The following CHRM3 variants were observed in gnomAD, a reference collection of about 807,000 sequenced individuals.
The protein encoded by CHRM3 is cholinergic receptor muscarinic 3.
Under a neutral mutation model 41.8 loss-of-function variants are expected in CHRM3, and 11 were observed. That is an observed-to-expected ratio of 0.26 (90% CI 0.17 to 0.44). The LOEUF (loss-of-function observed/expected upper bound fraction) is 0.44, where lower values mean the gene tolerates loss of function less well. Ranked by LOEUF, CHRM3 falls within the 20% of genes least tolerant of loss-of-function variation. The pLI is 1.00. For missense variants in CHRM3, 571 were observed against 745.4 expected (o/e 0.77, Z 2.72); for synonymous variants, 297 against 301.4 (o/e 0.99, Z 0.15).
chr1:239,570,778 G>A (rs1661758408), intron 3 of CHRM3, among the ~76,000 whole-genome samples: 1 of 152,058 alleles, frequency 6.6e-6, no homozygotes. Flanking sequence ...AAAGAAGTAA[G>A]TGACTGAGAG....
chr1:239,510,827 C>T (rs767582619), intron 2 of CHRM3, among the ~76,000 whole-genome samples: 21 of 152,212 alleles, frequency 1.4e-4, no homozygotes, highest in African/African-American at 4.8e-4. Context: ...TCAACCACCG[C>T]GGCCGGCCCA....
At chr1:239,842,505 G>A (rs1961301) in intron 6 of CHRM3, among the ~76,000 whole-genome samples, 46,148 of 152,074 alleles carry the variant, frequency 0.3, 7,939 homozygotes, top group East Asian at 0.48. Context: ...AAAGTGTTGG[G>A]ATTACAGGAG....
intron 1 of CHRM3, among the ~76,000 whole-genome samples, chr1:239,398,187 G>C (rs1166216188): frequency 1.3e-5 from 2 of 152,092 alleles, no homozygotes; most frequent in African/African-American, 4.8e-5. Flanking sequence ...TTACAACTTT[G>C]AATCAATAGG....
chr1:239,404,422 GAAAGAA>G (rs1660362213), intron 1 of CHRM3, among the ~76,000 whole-genome samples: 2 of 90,850 alleles, frequency 2.2e-5, no homozygotes, highest in East Asian at 7.8e-4. Context: ...AAGAAAGAAA[GAAAGAA>G]AGAAAGAAAG....
At chr1:239,634,236 G>C (rs1170901108) in intron 4 of CHRM3, among the ~76,000 whole-genome samples, 1 of 152,004 alleles carries the variant, frequency 6.6e-6, no homozygotes, top group Non-Finnish European at 1.5e-5. Flanking sequence ...GTAACCCTTT[G>C]AATACAATAC....
chr1:239,843,888 T>C (rs1018582200), intron 6 of CHRM3, among the ~76,000 whole-genome samples: 1 of 152,004 alleles, frequency 6.6e-6, no homozygotes, highest in Non-Finnish European at 1.5e-5. Flanking sequence ...TATATATATA[T>C]ACACATAGAG....
intron 1 of CHRM3, among the ~76,000 whole-genome samples, chr1:239,463,700 T>C (rs1295703544): frequency 6.6e-6 from 1 of 152,210 alleles, no homozygotes; most frequent in African/African-American, 2.4e-5. Flanking sequence ...CTTTTTCTTC[T>C]AATACATTTT....
At chr1:239,527,300 T>C (rs1357502153) in intron 2 of CHRM3, among the ~76,000 whole-genome samples, 1 of 152,184 alleles carries the variant, frequency 6.6e-6, no homozygotes, top group African/African-American at 2.4e-5. Flanking sequence ...CTGGAGGATT[T>C]AAACCTAGCA....
intron 6 of CHRM3, among the ~76,000 whole-genome samples, chr1:239,888,061 T>C (rs1203237228): frequency 6.6e-6 from 1 of 152,190 alleles, no homozygotes; most frequent in African/African-American, 2.4e-5. Context: ...TGTTTATCTC[T>C]GGAGATAAAT....
intron 2 of CHRM3, among the ~76,000 whole-genome samples, chr1:239,497,819 C>T (rs1469690614): frequency 3.3e-5 from 5 of 152,116 alleles, no homozygotes; most frequent in Admixed American, 2.6e-4. Context: ...AGCAACAAAT[C>T]GGAGTGGACA....
intron 6 of CHRM3, among the ~76,000 whole-genome samples, chr1:239,879,846 G>A (rs931530774): frequency 2.0e-5 from 3 of 152,224 alleles, no homozygotes; most frequent in African/African-American, 7.2e-5. Flanking sequence ...CAGCTACAAT[G>A]ACACTGGACA....
intron 6 of CHRM3, among the ~76,000 whole-genome samples, chr1:239,888,619 C>T (rs1393425562): frequency 6.7e-6 from 1 of 148,780 alleles, no homozygotes; most frequent in Non-Finnish European, 1.5e-5. Context: ...AAAAAAGTGG[C>T]AATGAAAAAT....
intron 5 of CHRM3, among the ~76,000 whole-genome samples, chr1:239,797,454 A>G (rs1422530018): frequency 6.6e-6 from 1 of 151,934 alleles, no homozygotes; most frequent in Non-Finnish European, 1.5e-5. Context: ...GCTCCAAGGT[A>G]TTGGTTTAAA....
At chr1:239,796,574 C>T (rs1669791385) in intron 5 of CHRM3, among the ~76,000 whole-genome samples, 1 of 151,944 alleles carries the variant, frequency 6.6e-6, no homozygotes, top group Admixed American at 6.6e-5. Flanking sequence ...TGGGTGTATA[C>T]TTAATGCACA....
chr1:239,640,949 G>T (rs1276647810), intron 4 of CHRM3, among the ~76,000 whole-genome samples: 2 of 150,884 alleles, frequency 1.3e-5, no homozygotes, highest in African/African-American at 4.9e-5. Context: ...GTGTCCCAGA[G>T]ATTCTGGTAT....
intron 2 of CHRM3, among the ~76,000 whole-genome samples, chr1:239,500,099 T>C (rs930423067): frequency 1.4e-5 from 2 of 143,338 alleles, no homozygotes; most frequent in African/African-American, 2.4e-5. Context: ...ATCCCATCAA[T>C]ACCTAATTTA....
At chr1:239,672,258 G>C (rs1242536845) in intron 4 of CHRM3, among the ~76,000 whole-genome samples, 1 of 152,050 alleles carries the variant, frequency 6.6e-6, no homozygotes, top group East Asian at 1.9e-4. Context: ...CTCTGTCCTG[G>C]GGGCTGCAGC....
chr1:239,524,183 T>C (rs2148285149), intron 2 of CHRM3, among the ~76,000 whole-genome samples: 1 of 152,310 alleles, frequency 6.6e-6, no homozygotes, highest in East Asian at 1.9e-4. Context: ...TATATATATA[T>C]ATGCACACAT....
chr1:239,870,371 G>C (rs1013865168), intron 6 of CHRM3, among the ~76,000 whole-genome samples: 4 of 152,206 alleles, frequency 2.6e-5, no homozygotes, highest in Non-Finnish European at 4.4e-5. Flanking sequence ...AACCTTGTCT[G>C]TTAGTTTCCT....
Sources: allele counts gnomAD v4.1 joint callset (sites outside exome capture counted in the v4.1 genomes callset), GRCh38; gene constraint gnomAD v4.1.1; transcripts MANE v1.5; gene names NCBI Gene and HGNC (gene_info 2026-07-23, HGNC 2026-07-21).